Variants in ROBO1 observed in about 807,000 individuals in gnomAD.
ROBO1 encodes the protein roundabout guidance receptor 1.
Under a neutral mutation model 195.9 loss-of-function variants are expected in ROBO1, and 149 were observed. That is an observed-to-expected ratio of 0.76 (90% CI 0.67 to 0.87). ROBO1 has a LOEUF of 0.87. Among genes scored for constraint, ROBO1 ranks in the 40% least tolerant of loss-of-function variants. The pLI is 0.00. For missense variants in ROBO1, 1,933 were observed against 2,068.3 expected (o/e 0.93, Z 1.27); for synonymous variants, 816 against 733.2 (o/e 1.11, Z -1.82).
chr3:79,738,243 T>C (rs993357676), intron 1 of ROBO1, among the ~76,000 whole-genome samples: 6 of 152,132 alleles, frequency 3.9e-5, no homozygotes, highest in African/African-American at 1.4e-4. Flanking sequence ...AGAGAAACAG[T>C]TTACTGAGAT....
chr3:78,638,989 T>C (rs1705735843), intron 22 of ROBO1, among the ~76,000 whole-genome samples: 1 of 149,806 alleles, frequency 6.7e-6, no homozygotes, highest in Non-Finnish European at 1.5e-5. Context: ...CTACTAAAAA[T>C]ATAAAAATTA....
intron 2 of ROBO1, among the ~76,000 whole-genome samples, chr3:79,164,927 G>A (rs1263115619): frequency 1.3e-5 from 2 of 152,196 alleles, no homozygotes; most frequent in East Asian, 3.9e-4. Context: ...TGGCAAATCT[G>A]ACTACTGCAT....
chr3:79,251,395 T>G (rs1337660439), intron 2 of ROBO1, among the ~76,000 whole-genome samples: 1 of 152,102 alleles, frequency 6.6e-6, no homozygotes, highest in South Asian at 2.1e-4. Flanking sequence ...AAAAAGAAAT[T>G]CAGGATAATG....
rs189526336 is a variant in ROBO1 at position 79,439,895 on chromosome 3, G to A, written c.88+149929C>T. Reference sequence around the variant, plus strand: ...AGAGCCACAGCTAGGGAGGAAGAGAGAACTAAAGGAATAATCAGGGAAGAG... The same window carrying A: ...AGAGCCACAGCTAGGGAGGAAGAGAAAACTAAAGGAATAATCAGGGAAGAG... On this transcript the variant is annotated intron_variant, in intron 2 of 30. Coordinates refer to ENST00000464233, the MANE Select transcript of ROBO1 (RefSeq NM_002941.4). Among the ~76,000 whole-genome samples, 207 of 152,186 alleles carry A rather than the reference G, an allele frequency of 1.4e-3. 1 individual carries two copies. Among genetic ancestry groups the A allele is most frequent in the African/African-American group, 4.7e-3 (195 of 41,546 alleles).
intron 1 of ROBO1, among the ~76,000 whole-genome samples, chr3:79,626,438 A>G (rs986566978): frequency 5.1e-4 from 77 of 151,936 alleles, no homozygotes; most frequent in African/African-American, 1.7e-3. Context: ...TCCATCAAAA[A>G]CAAAAACAAA....
At chr3:79,011,804 T>G (rs962895674) in intron 3 of ROBO1, among the ~76,000 whole-genome samples, 2 of 152,050 alleles carry the variant, frequency 1.3e-5, no homozygotes, top group South Asian at 2.1e-4. Context: ...CTCATTGAAA[T>G]TGTAAGTTAA....
intron 2 of ROBO1, among the ~76,000 whole-genome samples, chr3:79,444,066 T>C (rs764326322): frequency 6.6e-6 from 1 of 152,104 alleles, no homozygotes; most frequent in Admixed American, 6.5e-5. Context: ...TAAATGATCT[T>C]TCAGAATATC....
intron 2 of ROBO1, among the ~76,000 whole-genome samples, chr3:79,294,805 T>G (rs1396006963): frequency 2.6e-5 from 4 of 152,142 alleles, no homozygotes; most frequent in African/African-American, 9.7e-5. Flanking sequence ...GAACAGACAC[T>G]TCTCAAAAGA....
chr3:79,361,513 A>T (rs566533231), intron 2 of ROBO1, among the ~76,000 whole-genome samples: 1 of 148,720 alleles, frequency 6.7e-6, no homozygotes, highest in African/African-American at 2.6e-5. Flanking sequence ...ATAACGATTT[A>T]ATACCATTAA....
intron 1 of ROBO1, among the ~76,000 whole-genome samples, chr3:79,728,019 A>G (rs1255902158): frequency 6.6e-6 from 1 of 152,114 alleles, no homozygotes; most frequent in African/African-American, 2.4e-5. Context: ...AGTGGCTTCA[A>G]AATTAGAAAA....
At chr3:79,675,653 T>TA (rs1346144209) in intron 1 of ROBO1, among the ~76,000 whole-genome samples, 1 of 152,202 alleles carries the variant, frequency 6.6e-6, no homozygotes, top group Non-Finnish European at 1.5e-5. Context: ...CATTTAATTT[T>TA]AAAAAATCAT....
At chr3:78,646,692 C>T (rs576444782) in intron 20 of ROBO1, among the ~76,000 whole-genome samples, 2 of 151,134 alleles carry the variant, frequency 1.3e-5, no homozygotes, top group South Asian at 4.2e-4. Context: ...CCTTTCTACA[C>T]ACAAAGATGT....
intron 3 of ROBO1, among the ~76,000 whole-genome samples, chr3:79,084,343 A>G (rs900636329): frequency 6.6e-6 from 1 of 152,158 alleles, no homozygotes; most frequent in African/African-American, 2.4e-5. Flanking sequence ...TACTAAAAAT[A>G]CAAAATTAGC....
Position 79,318,073 on chromosome 3 carries a change from G to A in ROBO1, c.89-192534C>T, listed in dbSNP as rs550058112. On this transcript the variant is annotated intron_variant, in intron 2 of 30. Transcript: ENST00000464233. ...GAAGAGCTGATGCTCCAGTTCAAAGGCCAACGGGCAGTCAGTCTTTTGCTC... is the reference window on the plus strand; with the variant it reads ...GAAGAGCTGATGCTCCAGTTCAAAGACCAACGGGCAGTCAGTCTTTTGCTC... Among the ~76,000 whole-genome samples, 5 of 152,254 alleles carry A rather than the reference G, an allele frequency of 3.3e-5. No homozygotes were observed. In the East Asian group the frequency reaches 7.7e-4, roughly 23 times the overall value.
chr3:79,005,778 T>C (rs562722383), intron 3 of ROBO1, among the ~76,000 whole-genome samples: 32 of 152,314 alleles, frequency 2.1e-4, no homozygotes, highest in African/African-American at 6.3e-4. Context: ...TTTCTTTTCA[T>C]TTCTGGTTAA....
At chr3:78,814,559 A>G (rs1347719020) in intron 4 of ROBO1, among the ~76,000 whole-genome samples, 2 of 152,182 alleles carry the variant, frequency 1.3e-5, no homozygotes, top group South Asian at 2.1e-4. Context: ...GTGTTAAAAA[A>G]AATATAGCTT....
intron 1 of ROBO1, among the ~76,000 whole-genome samples, chr3:79,603,379 CACA>C (rs1477835491): frequency 2.0e-5 from 3 of 151,978 alleles, no homozygotes; most frequent in East Asian, 3.9e-4. Context: ...ACCCTCTTGA[CACA>C]ACAATACCCC....
At chr3:79,597,293 A>G (rs913336499) in intron 1 of ROBO1, among the ~76,000 whole-genome samples, 2 of 151,986 alleles carry the variant, frequency 1.3e-5, no homozygotes, top group African/African-American at 4.8e-5. Context: ...GAAATTTAAA[A>G]AGCCAAAAGG....
intron 1 of ROBO1, among the ~76,000 whole-genome samples, chr3:79,600,582 T>A (rs1376217952): frequency 6.6e-6 from 1 of 151,908 alleles, no homozygotes; most frequent in East Asian, 1.9e-4. Context: ...TTCCTTTACT[T>A]TTAGAGGGGG....
Sources: gnomAD v4.1 joint callset for allele counts (sites outside exome capture counted in the v4.1 genomes callset) on GRCh38, gnomAD v4.1.1 for gene constraint, MANE v1.5 for transcripts, NCBI Gene and HGNC (gene_info 2026-07-23, HGNC 2026-07-21) for gene names.